The following CNBP variants were observed in gnomAD, a reference collection of about 807,000 sequenced individuals.
CNBP encodes the protein CCHC-type zinc finger nucleic acid binding protein, also known as cellular nucleic acid-binding protein.
In CNBP, 6 loss-of-function variants were observed where a neutral mutation model predicts 21.2. That is an observed-to-expected ratio of 0.28 (90% CI 0.16 to 0.56). The LOEUF is 0.56. Ranked by LOEUF, CNBP falls within the 20% of genes least tolerant of loss-of-function variation. The pLI is 0.93. For missense variants in CNBP, 112 were observed against 233.1 expected (o/e 0.48, Z 3.38); for synonymous variants, 61 against 74.9 (o/e 0.81, Z 0.96).
At position 129,170,174 on chromosome 3, in the gene CNBP, A is replaced by G. The variant is rs1455013034; in HGVS notation, c.*279T>C. ...AGGACGGGCTTACTGGTCTGACTCA[A>G]CTCTTCCCATTCATCAATCCCTATT... On this transcript the variant is annotated 3_prime_UTR_variant, in exon 5 of 5. Transcript: ENST00000422453. 58 of 392,148 alleles carry G rather than the reference A, an allele frequency of 1.5e-4. 1 individual carries two copies. In the East Asian group the frequency reaches 2.2e-3, roughly 15 times the overall value. The allele number at this position is 392,148 out of a possible 1,614,324, so 24.3% of individuals were successfully genotyped here.
At chr3:129,175,231 G>C (rs1193737166) in intron 1 of CNBP, among the ~76,000 whole-genome samples, 1 of 151,904 alleles carries the variant, frequency 6.6e-6, no homozygotes, top group East Asian at 2.0e-4. Context: ...GGCTGAGGCA[G>C]GAGAATCGCT....
At chr3:129,181,239 C>CAAAAAAAAAAAAAA (rs10587328) in intron 1 of CNBP, among the ~76,000 whole-genome samples, 31 of 53,174 alleles carry the variant, frequency 5.8e-4, no homozygotes, top group African/African-American at 2.1e-3. Context: ...GACTCTGTCT[C>CAAAAAAAAAAAAAA]AAAAAAAAAA....
chr3:129,178,158 C>CAAAA (rs368723690), intron 1 of CNBP, among the ~76,000 whole-genome samples: 20 of 103,576 alleles, frequency 1.9e-4, no homozygotes, highest in Non-Finnish European at 2.7e-4. Context: ...GACTCTGTCT[C>CAAAA]AAAAAAAAAA....
intron 1 of CNBP, among the ~76,000 whole-genome samples, chr3:129,182,996 T>A (rs554871946): frequency 6.6e-6 from 1 of 152,002 alleles, no homozygotes; most frequent in African/African-American, 2.4e-5. Flanking sequence ...CTGTTGCCCA[T>A]GCTGGAGTGT....
intron 1 of CNBP, among the ~76,000 whole-genome samples, chr3:129,173,634 T>C (rs1026799919): frequency 2.0e-5 from 3 of 152,312 alleles, no homozygotes; most frequent in Non-Finnish European, 2.9e-5. Context: ...TATGTAACAA[T>C]CTAAAAATAA....
chr3:129,181,011 G>A (rs373378437), intron 1 of CNBP, among the ~76,000 whole-genome samples: 9 of 150,994 alleles, frequency 6.0e-5, no homozygotes, highest in Admixed American at 3.3e-4. Context: ...AGGCCGAGGC[G>A]GGTGAATTAC....
At chr3:129,175,758 T>C (rs1937860420) in intron 1 of CNBP, among the ~76,000 whole-genome samples, 1 of 152,220 alleles carries the variant, frequency 6.6e-6, no homozygotes, top group Non-Finnish European at 1.5e-5. Context: ...CACATAATTT[T>C]GTTTACTAGA....
intron 1 of CNBP, among the ~76,000 whole-genome samples, chr3:129,174,349 T>TAAAAAAGAAAA (rs1937737141): frequency 1.6e-5 from 1 of 63,150 alleles, no homozygotes; most frequent in African/African-American, 7.1e-5. Context: ...GAGTCAGAAT[T>TAAAAAAGAAAA]AAAAAAAAAA....
chr3:129,173,828 A>G (rs1369826703), intron 1 of CNBP, among the ~76,000 whole-genome samples: 5 of 152,206 alleles, frequency 3.3e-5, no homozygotes, highest in East Asian at 1.9e-4. Flanking sequence ...CTAGAAAAAC[A>G]TATTTCCAAC....
intron 1 of CNBP, among the ~76,000 whole-genome samples, chr3:129,178,950 G>A (rs1478912695): frequency 6.6e-6 from 1 of 152,032 alleles, no homozygotes; most frequent in Non-Finnish European, 1.5e-5. Flanking sequence ...GTTTCACCGT[G>A]TTAGCCAGGA....
At chr3:129,172,613 CAGACAG>C (rs1937608468) in intron 1 of CNBP, among the ~76,000 whole-genome samples, 2 of 22,354 alleles carry the variant, frequency 8.9e-5, no homozygotes, top group East Asian at 9.8e-4. Context: ...GGCAGACAGG[CAGACAG>C]GCAGCCAGGC....
rs1279684124 is a variant in CNBP, at chr3:129,167,836, CAA to C, written c.*2615_*2616del. 5.9e-5 allele frequency among the ~76,000 whole-genome samples: 9 copies of C among 152,144 alleles called. No individual in the cohort carries two copies. The highest frequency in any genetic ancestry group is 1.2e-4 in the African/African-American group (5 of 41,428). On this transcript the variant is annotated 3_prime_UTR_variant, in exon 5 of 5. Coordinates refer to ENST00000422453, the MANE Select transcript of CNBP (RefSeq NM_003418.5). ...TACATATGGTAGAAAATAAAATTGTCAAGATATTTATTGTGTTAACATGTGAG... is the reference window on the plus strand; with the variant it reads ...TACATATGGTAGAAAATAAAATTGTCGATATTTATTGTGTTAACATGTGAG...
At chr3:129,179,851 C>T (rs977463952) in intron 1 of CNBP, among the ~76,000 whole-genome samples, 3 of 151,822 alleles carry the variant, frequency 2.0e-5, no homozygotes, top group African/African-American at 7.3e-5. Flanking sequence ...ACTAAAAAAA[C>T]AAAAATTAGC....
At chr3:129,183,351 C>A (rs886390530) in intron 1 of CNBP, among the ~76,000 whole-genome samples, 1 of 152,214 alleles carries the variant, frequency 6.6e-6, no homozygotes, top group African/African-American at 2.4e-5. Context: ...ATCCCCCCTT[C>A]ATCCGCAGCC....
chr3:129,172,498 C>T (rs926169182), intron 1 of CNBP, among the ~76,000 whole-genome samples: 1 of 152,170 alleles, frequency 6.6e-6, no homozygotes, highest in African/African-American at 2.4e-5. Context: ...AGAAGAATCG[C>T]TTGAACCCGG....
chr3:129,170,816 A>C (rs1167490945), intron 4 of CNBP, among the ~76,000 whole-genome samples: 11 of 152,206 alleles, frequency 7.2e-5, no homozygotes, highest in Non-Finnish European at 1.5e-4. Context: ...AGTCTCTGGA[A>C]GTTTCAAATT....
Position 129,170,312 on chromosome 3 carries a change from C to T in CNBP, c.*141G>A. The T allele has an allele frequency of 2.8e-6, 2 of 706,018 alleles. No individual in the cohort carries two copies. The highest frequency in any genetic ancestry group is 1.8e-5 in the South Asian group (1 of 55,716). The allele number at this position is 706,018 out of a possible 1,614,324, so 43.7% of individuals were successfully genotyped here. A position where few individuals can be genotyped will look rare whatever the true frequency, so the allele number is the denominator to read the frequency against. The stretch of plus-strand genomic sequence containing the variant: ...ATGCAGAAAGTCGGTTTTTTTCCAC[C>T]CCTTTCCTCCTTTTACACGGCAAGT... On this transcript the variant is annotated 3_prime_UTR_variant, in exon 5 of 5. Coordinates refer to ENST00000422453, the MANE Select transcript of CNBP (RefSeq NM_003418.5).
intron 1 of CNBP, among the ~76,000 whole-genome samples, chr3:129,175,238 C>T (rs1937818172): frequency 2.6e-5 from 4 of 151,606 alleles, no homozygotes; most frequent in African/African-American, 7.3e-5. Flanking sequence ...GCAGGAGAAT[C>T]GCTTGAACCC....
chr3:129,174,804 T>C lies in CNBP; in HGVS notation c.-14-3033A>G, dbSNP rs551743062. Among the ~76,000 whole-genome samples, 10 of 152,328 alleles carry C rather than the reference T, an allele frequency of 6.6e-5. No individual in the cohort carries two copies. In the East Asian group the frequency reaches 1.7e-3, roughly 26 times the overall value. Reference sequence around the variant, plus strand: ...TTAACTATTGATCTCAAGGAATTATTTGCACATAAATGATTACTTTTACAG... The same window carrying C: ...TTAACTATTGATCTCAAGGAATTATCTGCACATAAATGATTACTTTTACAG... On this transcript the variant is annotated intron_variant, in intron 1 of 4. Transcript: ENST00000422453.
Sources: allele counts gnomAD v4.1 joint callset (sites outside exome capture counted in the v4.1 genomes callset), GRCh38; gene constraint gnomAD v4.1.1; transcripts MANE v1.5; gene names NCBI Gene and HGNC (gene_info 2026-07-23, HGNC 2026-07-21).